Variants in CNTNAP2 observed in about 807,000 individuals in gnomAD.
The protein encoded by CNTNAP2 is contactin associated protein 2.
Under a neutral mutation model 155.2 loss-of-function variants are expected in CNTNAP2, and 98 were observed. The observed-to-expected ratio is 0.63, with a 90% CI of 0.54 to 0.75. CNTNAP2 has a LOEUF of 0.75. CNTNAP2 is among the 30% of genes least tolerant of loss of function. The pLI, the probability that CNTNAP2 is intolerant of heterozygous loss-of-function variation, is 0.00. For synonymous variants in CNTNAP2, 651 were observed against 631.2 expected, an observed-to-expected ratio of 1.03 and a Z score of -0.47; for missense variants, 1,727 against 1,688.1, an observed-to-expected ratio of 1.02 and a Z score of -0.40.
rs147118582 is a variant in CNTNAP2, at chr7:148,092,581, G to A, written c.2384-25537G>A. ...GGTTAGAGGCTTCACTGGCTAGTCC[G>A]AAGCCTAGTGGTTTTGAGTAAGAAA... On this transcript the variant is annotated intron_variant, in intron 15 of 23. Coordinates refer to ENST00000361727, the MANE Select transcript of CNTNAP2 (RefSeq NM_014141.6). Among the ~76,000 whole-genome samples the A allele has an allele frequency of 4.7e-4, 71 of 152,278 alleles. 2 individuals are homozygous for A. The East Asian group carries it at 0.012, about 26-fold the overall frequency.
At chr7:146,262,001 C>T (rs1363222551) in intron 1 of CNTNAP2, among the ~76,000 whole-genome samples, 4 of 152,134 alleles carry the variant, frequency 2.6e-5, no homozygotes, top group African/African-American at 9.7e-5. Flanking sequence ...GAAACATGCT[C>T]AGTGTGTGTG....
chr7:146,488,388 A>C (rs550256149), intron 1 of CNTNAP2, among the ~76,000 whole-genome samples: 2 of 151,306 alleles, frequency 1.3e-5, no homozygotes, highest in Non-Finnish European at 2.9e-5. Flanking sequence ...TAATTATATC[A>C]GATTTATTTA....
At chr7:147,771,847 T>C (rs117021773) in intron 13 of CNTNAP2, among the ~76,000 whole-genome samples, 2,019 of 152,270 alleles carry the variant, frequency 0.013, 103 homozygotes, top group Admixed American at 0.089. Flanking sequence ...TGTGTTTTCC[T>C]ATATTCTCTG....
intron 7 of CNTNAP2, among the ~76,000 whole-genome samples, chr7:147,131,297 G>T (rs1801353367): frequency 6.6e-6 from 1 of 151,114 alleles, no homozygotes; most frequent in African/African-American, 2.4e-5. Flanking sequence ...GAGAAAAAGA[G>T]AGACAGACAT....
chr7:146,706,562 T>C (rs1272864817), intron 1 of CNTNAP2, among the ~76,000 whole-genome samples: 1 of 152,044 alleles, frequency 6.6e-6, no homozygotes, highest in Non-Finnish European at 1.5e-5. Flanking sequence ...TGTCCAAAGT[T>C]TGGATGTTTA....
intron 15 of CNTNAP2, among the ~76,000 whole-genome samples, chr7:147,985,115 A>AAATTAAAT (rs1801594253): frequency 6.9e-6 from 1 of 145,472 alleles, no homozygotes; most frequent in African/African-American, 2.7e-5. Context: ...ACTCTGTCAA[A>AAATTAAAT]AAATAAATAA....
intron 8 of CNTNAP2, among the ~76,000 whole-genome samples, chr7:147,149,833 G>A (rs896459930): frequency 3.9e-5 from 6 of 152,180 alleles, no homozygotes; most frequent in Admixed American, 2.6e-4. Context: ...GTAAGTAATC[G>A]TAGTTTTATC....
chr7:146,776,100 T>G (rs1432847626), intron 2 of CNTNAP2, among the ~76,000 whole-genome samples: 2 of 151,980 alleles, frequency 1.3e-5, no homozygotes, highest in Non-Finnish European at 2.9e-5. Context: ...CAGAAAAACA[T>G]GAAACAAGGG....
chr7:147,736,226 A>G (rs547681122), intron 13 of CNTNAP2, among the ~76,000 whole-genome samples: 1 of 151,932 alleles, frequency 6.6e-6, no homozygotes, highest in Non-Finnish European at 1.5e-5. Context: ...GGTGGTGACA[A>G]AATCTCTCAG....
intron 21 of CNTNAP2, among the ~76,000 whole-genome samples, chr7:148,319,552 C>A (rs1797753551): frequency 6.6e-6 from 1 of 152,078 alleles, no homozygotes; most frequent in African/African-American, 2.4e-5. Context: ...AGGTGAATGG[C>A]AGACACGCAA....
At chr7:147,056,679 A>G (rs866661769) in intron 4 of CNTNAP2, among the ~76,000 whole-genome samples, 6 of 152,194 alleles carry the variant, frequency 3.9e-5, no homozygotes, top group Non-Finnish European at 2.9e-5. Context: ...AACAAAACCT[A>G]CCCAGTGAGG....
At chr7:146,702,375 TTAAG>T (rs1157071589) in intron 1 of CNTNAP2, among the ~76,000 whole-genome samples, 1 of 152,090 alleles carries the variant, frequency 6.6e-6, no homozygotes, top group Non-Finnish European at 1.5e-5. Flanking sequence ...ATAGAAAAAA[TTAAG>T]TATTTTTATT....
chr7:147,261,552 C>CT (rs202048106), intron 8 of CNTNAP2, among the ~76,000 whole-genome samples: 1 of 142,946 alleles, frequency 7.0e-6, no homozygotes, highest in African/African-American at 2.6e-5. Flanking sequence ...GTAAGGGATA[C>CT]TTTAAAAAAA....
intron 13 of CNTNAP2, among the ~76,000 whole-genome samples, chr7:147,712,353 G>C (rs1360846695): frequency 6.6e-6 from 1 of 152,100 alleles, no homozygotes; most frequent in Non-Finnish European, 1.5e-5. Flanking sequence ...CCTCAAGGAG[G>C]TAGAACTAGA....
At chr7:146,742,854 A>C in intron 1 of CNTNAP2, among the ~76,000 whole-genome samples, 1 of 152,196 alleles carries the variant, frequency 6.6e-6, no homozygotes, top group Non-Finnish European at 1.5e-5. Flanking sequence ...TGGTACTCAC[A>C]GTTGATATAG....
At chr7:146,119,652 A>C (rs1797535353) in intron 1 of CNTNAP2, among the ~76,000 whole-genome samples, 1 of 152,132 alleles carries the variant, frequency 6.6e-6, no homozygotes, top group Non-Finnish European at 1.5e-5. Context: ...GCAGTTCTAA[A>C]TGATGAGGAG....
intron 16 of CNTNAP2, among the ~76,000 whole-genome samples, chr7:148,142,744 G>C (rs998171444): frequency 6.6e-6 from 1 of 152,114 alleles, no homozygotes; most frequent in Non-Finnish European, 1.5e-5. Context: ...AGAAAACTTA[G>C]AGCCAAAAAC....
At chr7:147,034,321 C>G (rs969035114) in intron 3 of CNTNAP2, among the ~76,000 whole-genome samples, 17 of 152,166 alleles carry the variant, frequency 1.1e-4, no homozygotes, top group Admixed American at 2.0e-4. Context: ...AGGAGTTTTC[C>G]CTTTTCCTCT....
intron 1 of CNTNAP2, among the ~76,000 whole-genome samples, chr7:146,738,228 C>T (rs1366342546): frequency 1.3e-5 from 2 of 151,958 alleles, no homozygotes; most frequent in African/African-American, 4.8e-5. Context: ...GGTGATATCT[C>T]ATTGGGTTTT....
Sources: allele counts gnomAD v4.1 joint callset (sites outside exome capture counted in the v4.1 genomes callset), GRCh38; gene constraint gnomAD v4.1.1; transcripts MANE v1.5; gene names NCBI Gene and HGNC (gene_info 2026-07-23, HGNC 2026-07-21).